PAK1IP1: variants seen among roughly 807,000 people sequenced by gnomAD.
PAK1IP1 encodes p21-activated protein kinase-interacting protein 1.
PAK1IP1 carries 24 observed loss-of-function variants against 42.0 expected under a neutral mutation model. The ratio of observed to expected loss-of-function variants is 0.57; its 90% confidence interval spans 0.41 to 0.80. The LOEUF (loss-of-function observed/expected upper bound fraction) is 0.80, where lower values mean the gene tolerates loss of function less well. Ranked by LOEUF, PAK1IP1 falls within the 30% of genes least tolerant of loss-of-function variation. The pLI, the probability that PAK1IP1 is intolerant of heterozygous loss-of-function variation, is 0.00. For missense variants in PAK1IP1, 411 were observed against 467.9 expected (o/e 0.88, Z 1.12); for synonymous variants, 154 against 156.7 (o/e 0.98, Z 0.13).
At chr6:10,693,746 T>C (rs1169196338), upstream of PAK1IP1, among the ~76,000 whole-genome samples, 1 of 152,112 alleles carries the variant, frequency 6.6e-6, no homozygotes, top group East Asian at 1.9e-4. Flanking sequence ...TTTTTTTTCT[T>C]TGAAAGGGGG....
At chr6:10,705,806 G>A (rs960592555) in intron 7 of PAK1IP1, among the ~76,000 whole-genome samples, 1 of 152,162 alleles carries the variant, frequency 6.6e-6, no homozygotes, top group African/African-American at 2.4e-5. Context: ...TGTCTCAAAT[G>A]AGTCTTAATT....
chr6:10,709,559 GA>G lies in PAK1IP1; in HGVS notation c.*113del. 1.9e-6 allele frequency: 1 copy of G among 524,862 alleles called. No individual in the cohort carries two copies. The highest frequency in any genetic ancestry group is 2.9e-6 in the Non-Finnish European group (1 of 343,294). 32.5% of individuals were successfully genotyped at this position (524,862 alleles called of 1,614,324 possible). A position where few individuals can be genotyped will look rare whatever the true frequency, so the allele number is the denominator to read the frequency against. On this transcript the variant is annotated 3_prime_UTR_variant, in exon 10 of 10. Coordinates refer to ENST00000379568, the MANE Select transcript of PAK1IP1 (RefSeq NM_017906.3). The stretch of plus-strand genomic sequence containing the variant: ...TAAAAGCAAGAAATTTCTTCCTTTG[GA>G]AAAAATATATATATTAAAAAACCAC...
At chr6:10,693,281 A>G (rs755976574), upstream of PAK1IP1, among the ~76,000 whole-genome samples, 2 of 152,214 alleles carry the variant, frequency 1.3e-5, no homozygotes, top group Non-Finnish European at 2.9e-5. Context: ...TGCTCTCACC[A>G]TCGTTCCATC....
upstream of PAK1IP1, chr6:10,694,851 A>G: frequency 1.6e-6 from 1 of 640,098 alleles, no homozygotes. Flanking sequence ...ACTTAAAGGC[A>G]GCCCTGGAGC....
upstream of PAK1IP1, among the ~76,000 whole-genome samples, chr6:10,691,046 TA>T (rs1769248497): frequency 6.6e-6 from 1 of 152,298 alleles, no homozygotes; most frequent in East Asian, 1.9e-4. Context: ...CGAGGACACA[TA>T]AAAAAGAGCA....
At chr6:10,698,980 C>T (rs1335832089) in intron 2 of PAK1IP1, among the ~76,000 whole-genome samples, 1 of 151,988 alleles carries the variant, frequency 6.6e-6, no homozygotes, top group Non-Finnish European at 1.5e-5. Context: ...GTGGGCCGAG[C>T]GTGAGGTCAG....
chr6:10,692,585 C>T (rs1400733213), upstream of PAK1IP1, among the ~76,000 whole-genome samples: 2 of 152,040 alleles, frequency 1.3e-5, no homozygotes, highest in East Asian at 3.9e-4. Context: ...GGACTATAGG[C>T]GCCCACCACC....
At chr6:10,693,109 G>A (rs1769494435), upstream of PAK1IP1, among the ~76,000 whole-genome samples, 1 of 152,198 alleles carries the variant, frequency 6.6e-6, no homozygotes, top group African/African-American at 2.4e-5. Context: ...TGCGGGACAT[G>A]CTCACAGGCC....
chr6:10,707,141 TC>T (rs1386991249), intron 7 of PAK1IP1, among the ~76,000 whole-genome samples: 2 of 152,232 alleles, frequency 1.3e-5, no homozygotes, highest in East Asian at 3.8e-4. Context: ...CATCTTTAGT[TC>T]CTTTGTGATA....
In PAK1IP1 at chr6:10,709,326, A is replaced by G. The variant is rs1034208642; in HGVS notation, c.1053A>G (p.Lys351=). Residue 351 remains lysine, a synonymous_variant, in exon 10 of 10, where the codon AAA becomes AAG. Coordinates refer to ENST00000379568, the MANE Select transcript of PAK1IP1 (RefSeq NM_017906.3). ...AGCGGTCAAAACCTAACACAAAGAA[A>G]CGCGGTTTAACAGGTGACAGTAAGA... ...EEKRSKPNTK[K]RGLTGDSKKA... 1 of 1,614,108 alleles carries G rather than the reference A, an allele frequency of 6.2e-7. No individual in the cohort carries two copies. Among genetic ancestry groups the G allele is most frequent in the Non-Finnish European group, 8.5e-7 (1 of 1,179,994 alleles).
Position 10,709,297 on chromosome 6 carries a change from G to A in PAK1IP1, c.1024G>A (p.Glu342Lys). Reference sequence around the variant, plus strand: ...GCCTGGTGACACAGTGCACAAAGAAGAAAAGCGGTCAAAACCTAACACAAA... The same window carrying A: ...GCCTGGTGACACAGTGCACAAAGAAAAAAAGCGGTCAAAACCTAACACAAA... ...KEPGDTVHKE[E>K]KRSKPNTKKR... is the part of the protein sequence containing the mutation. Residue 342 changes from glutamate (E) to lysine (K), a missense_variant, in exon 10 of 10, where the codon GAA becomes AAA. Physicochemically the swap from Glu to Lys is moderately conservative, Grantham distance 56 (BLOSUM62 1). Transcript: ENST00000379568. The A allele has an allele frequency of 1.2e-6, 2 of 1,613,942 alleles. No individual in the cohort carries two copies. Among genetic ancestry groups the A allele is most frequent in the South Asian group, 1.1e-5 (1 of 91,060 alleles).
rs760406044 is a variant in PAK1IP1 at position 10,708,994 on chromosome 6, C to T, written c.882C>T (p.Ala294=). 6.2e-7 allele frequency: 1 copy of T among 1,612,056 alleles called. No individual in the cohort carries two copies. The highest frequency in any genetic ancestry group is 8.5e-7 in the Non-Finnish European group (1 of 1,178,222). The change falls in exon 9 of 10, where the codon GCC becomes GCT. Residue 294 remains alanine, a synonymous_variant. Coordinates refer to ENST00000379568, the MANE Select transcript of PAK1IP1 (RefSeq NM_017906.3). ...TACTCTGTGAAATAAACACTAATGC[C>T]AGGCTGACGTGTCTTGGAGTGTGGC... ...PSLLCEINTN[A]RLTCLGVWLD...
rs750701531 is a variant in PAK1IP1 at position 10,709,328 on chromosome 6, G to A, written c.1055G>A (p.Arg352His). 11 of 1,613,874 alleles carry A rather than the reference G, an allele frequency of 6.8e-6. No individual in the cohort carries two copies. Among genetic ancestry groups the A allele is most frequent in the South Asian group, 2.2e-5 (2 of 91,080 alleles). ...CGGTCAAAACCTAACACAAAGAAAC[G>A]CGGTTTAACAGGTGACAGTAAGAAA... ...EKRSKPNTKKRGLTGDSKKAT... is the reference protein window; with the variant it reads ...EKRSKPNTKKHGLTGDSKKAT... The change falls in exon 10 of 10, where the codon CGC becomes CAC. Residue 352 changes from arginine to histidine, a missense_variant. Transcript: ENST00000379568.
In PAK1IP1 at chr6:10,709,013, G is replaced by A; in HGVS notation, c.901G>A (p.Val301Met). The change falls in exon 9 of 10, where the codon GTG (valine) becomes ATG (methionine). Residue 301 changes from valine (V) to methionine (M), a missense_variant. Physicochemically the swap from Val to Met is conservative, Grantham distance 21 (BLOSUM62 1). Coordinates refer to ENST00000379568, the MANE Select transcript of PAK1IP1 (RefSeq NM_017906.3). ...TAATGCCAGGCTGACGTGTCTTGGA[G>A]TGTGGCTAGACAAAGTGGCAGACAT... ...NTNARLTCLG[V>M]WLDKVADMKE... 6.2e-7 allele frequency: 1 copy of A among 1,612,416 alleles called. No homozygotes were observed. The highest frequency in any genetic ancestry group is 1.1e-5 in the South Asian group (1 of 91,040).
At chr6:10,707,331 C>A in intron 7 of PAK1IP1, 84 bp from the exon 8 acceptor site, 1 of 800,390 alleles carries the variant, frequency 1.2e-6, no homozygotes, top group South Asian at 1.5e-5. Context: ...ATTGAGAAAG[C>A]ACTAGTCTTT....
In PAK1IP1 at chr6:10,709,602, T is replaced by A. The variant is rs1426537010; in HGVS notation, c.*150T>A. 1.7e-4 allele frequency: 62 copies of A among 361,088 alleles called. No individual in the cohort carries two copies. Among genetic ancestry groups the A allele is most frequent in the Admixed American group, 9.5e-4 (21 of 22,126 alleles). The allele number at this position is 361,088 out of a possible 1,614,324, so 22.4% of individuals were successfully genotyped here. A position where few individuals can be genotyped will look rare whatever the true frequency, so the allele number is the denominator to read the frequency against. ...AAAAACCACTTTTAGATGGTTTTTT[T>A]TAAAAAAAAAAAAAAAACTGGTAAA... On this transcript the variant is annotated 3_prime_UTR_variant, in exon 10 of 10. Transcript: ENST00000379568.
At chr6:10,693,668 T>C (rs1347613271), upstream of PAK1IP1, among the ~76,000 whole-genome samples, 2 of 152,238 alleles carry the variant, frequency 1.3e-5, no homozygotes, top group East Asian at 3.8e-4. Flanking sequence ...TTTACTCTGT[T>C]GGGAGCTTGT....
rs1456355850 is a variant in PAK1IP1 at position 10,704,647 on chromosome 6, C to A, written c.637C>A (p.Leu213Ile). 1 of 1,612,500 alleles carries A rather than the reference C, an allele frequency of 6.2e-7. No homozygotes were observed. Among genetic ancestry groups the A allele is most frequent in the Admixed American group, 1.7e-5 (1 of 59,864 alleles). Residue 213 changes from leucine to isoleucine, a missense_variant, in exon 6 of 10, where the codon CTT becomes ATT. Transcript: ENST00000379568. ...NEKRISSVKF[L>I]SESVLAVAGD... ...AAAGAGAATTTCCTCTGTTAAATTT[C>A]TTTCAGTAAGTAATCAGAAATCATT...
At chr6:10,702,963 C>T (rs1354939288) in intron 4 of PAK1IP1, among the ~76,000 whole-genome samples, 1 of 152,064 alleles carries the variant, frequency 6.6e-6, no homozygotes, top group Non-Finnish European at 1.5e-5. Flanking sequence ...CCCACCACCA[C>T]GCCCGGCTAT....
Sources: gnomAD v4.1 joint callset for allele counts (sites outside exome capture counted in the v4.1 genomes callset) on GRCh38, gnomAD v4.1.1 for gene constraint, MANE v1.5 for transcripts, NCBI Gene and HGNC (gene_info 2026-07-23, HGNC 2026-07-21) for gene names.